The following MYT1L variants were observed in gnomAD, a reference collection of about 807,000 sequenced individuals.
MYT1L encodes the protein myelin transcription factor 1-like protein.
Under a neutral mutation model 126.7 loss-of-function variants are expected in MYT1L, and 12 were observed. The observed-to-expected ratio is 0.09, with a 90% CI of 0.06 to 0.15. The LOEUF is 0.15. Among genes scored for constraint, MYT1L ranks in the 10% least tolerant of loss-of-function variants. The pLI, the probability that MYT1L is intolerant of heterozygous loss-of-function variation, is 1.00. For missense variants in MYT1L, 979 were observed against 1,585.2 expected (o/e 0.62, Z 6.49); for synonymous variants, 541 against 604.2 (o/e 0.90, Z 1.53).
chr2:2,016,141 C>A (rs538184352), intron 4 of MYT1L, among the ~76,000 whole-genome samples: 3 of 152,230 alleles, frequency 2.0e-5, no homozygotes, highest in Non-Finnish European at 4.4e-5. Context: ...TTGTCCACAT[C>A]CACTGTTTGG....
At chr2:2,025,678 T>C (rs1300374103) in intron 4 of MYT1L, among the ~76,000 whole-genome samples, 1 of 152,220 alleles carries the variant, frequency 6.6e-6, no homozygotes, top group Non-Finnish European at 1.5e-5. Context: ...CCCAGCTCCC[T>C]GGTGGACTCA....
intron 2 of MYT1L, among the ~76,000 whole-genome samples, chr2:2,209,729 C>T (rs1294704890): frequency 2.0e-5 from 3 of 152,122 alleles, no homozygotes; most frequent in African/African-American, 7.2e-5. Flanking sequence ...CAAATGTTGG[C>T]TCTTGTGAAT....
intron 3 of MYT1L, among the ~76,000 whole-genome samples, chr2:2,147,769 G>A (rs1187755874): frequency 6.6e-6 from 1 of 152,216 alleles, no homozygotes; most frequent in Non-Finnish European, 1.5e-5. Context: ...TCCCAGACGA[G>A]GACAGCTGGG....
intron 2 of MYT1L, among the ~76,000 whole-genome samples, chr2:2,213,832 G>A (rs2093602060): frequency 6.6e-6 from 1 of 151,990 alleles, no homozygotes; most frequent in Non-Finnish European, 1.5e-5. Context: ...AATTTTCCAG[G>A]CATGAAAAGA....
intron 2 of MYT1L, among the ~76,000 whole-genome samples, chr2:2,260,789 A>G (rs534127371): frequency 1.3e-5 from 2 of 151,890 alleles, no homozygotes; most frequent in Non-Finnish European, 2.9e-5. Context: ...ATGTGGCACA[A>G]TCACCTGCAG....
chr2:1,842,112 G>C (rs770238129), intron 19 of MYT1L: 1 of 152,250 alleles, frequency 6.6e-6, no homozygotes, highest in African/African-American at 2.4e-5. Flanking sequence ...GCTGGCACAC[G>C]GGTGGGTCCA....
chr2:1,855,157 T>C (rs2043755553), intron 18 of MYT1L, among the ~76,000 whole-genome samples: 1 of 152,156 alleles, frequency 6.6e-6, no homozygotes, highest in South Asian at 2.1e-4. Context: ...TTAAGAAATC[T>C]CAACATTAAA....
At chr2:2,272,296 A>G (rs1208302730) in intron 2 of MYT1L, among the ~76,000 whole-genome samples, 2 of 151,916 alleles carry the variant, frequency 1.3e-5, no homozygotes, top group African/African-American at 4.8e-5. Context: ...TCCTGGCACC[A>G]CCTGACCTCC....
At position 1,892,022 on chromosome 2, in the gene MYT1L, C is replaced by T. The variant is rs1394417193; in HGVS notation, c.2283+15G>A. The T allele has an allele frequency of 1.3e-6, 2 of 1,506,642 alleles. No individual in the cohort carries two copies. Among genetic ancestry groups the T allele is most frequent in the South Asian group, 1.3e-5 (1 of 79,520 alleles). The allele number at this position is 1,506,642 out of a possible 1,614,324, so 93.3% of individuals were successfully genotyped here. ...CCCACCCGCCAGGTGGCTCCACCTG[C>T]CCAGGCGCGCGTACCCGCGTGGCGC... is the stretch of plus-strand genomic sequence containing the variant. On this transcript the variant is annotated intron_variant, in intron 15 of 24. Coordinates refer to ENST00000647738, the MANE Select transcript of MYT1L (RefSeq NM_001303052.2).
intron 21 of MYT1L, among the ~76,000 whole-genome samples, chr2:1,826,718 G>A (rs568331070): frequency 6.6e-6 from 1 of 152,176 alleles, no homozygotes; most frequent in Non-Finnish European, 1.5e-5. Flanking sequence ...TCCCCTTGGA[G>A]GGTGTCTGGG....
At chr2:2,299,466 C>T (rs1322301281) in intron 1 of MYT1L, among the ~76,000 whole-genome samples, 2 of 152,154 alleles carry the variant, frequency 1.3e-5, no homozygotes, top group African/African-American at 4.8e-5. Flanking sequence ...CCTGAGTGTG[C>T]ACCAGTTAGT....
intron 4 of MYT1L, among the ~76,000 whole-genome samples, chr2:2,023,352 C>T (rs2065217230): frequency 6.6e-6 from 1 of 152,212 alleles, no homozygotes; most frequent in Admixed American, 6.5e-5. Context: ...AGGGGGCAGC[C>T]TGTTTCCCAG....
chr2:1,843,081 C>T (rs1044377665), intron 19 of MYT1L, among the ~76,000 whole-genome samples: 74 of 152,358 alleles, frequency 4.9e-4, no homozygotes, highest in African/African-American at 1.7e-3. Context: ...TCGTAGGCCC[C>T]GCCATCCTCG....
At chr2:2,043,456 A>G (rs1009764781) in intron 4 of MYT1L, among the ~76,000 whole-genome samples, 1 of 152,140 alleles carries the variant, frequency 6.6e-6, no homozygotes, top group Non-Finnish European at 1.5e-5. Flanking sequence ...ACACCCTACA[A>G]TGTGTTTGTT....
At chr2:2,230,022 A>G (rs144313846) in intron 2 of MYT1L, among the ~76,000 whole-genome samples, 3 of 152,244 alleles carry the variant, frequency 2.0e-5, no homozygotes, top group African/African-American at 4.8e-5. Context: ...CTCGCCTAAC[A>G]TAGATTTGAC....
chr2:2,139,468 T>A (rs1344982142), intron 3 of MYT1L, among the ~76,000 whole-genome samples: 1 of 149,446 alleles, frequency 6.7e-6, no homozygotes, highest in African/African-American at 2.5e-5. Flanking sequence ...AAAAAAAAAA[T>A]ATATGTATAT....
chr2:2,246,513 A>G (rs563691644), intron 2 of MYT1L, among the ~76,000 whole-genome samples: 1 of 152,224 alleles, frequency 6.6e-6, no homozygotes, highest in Non-Finnish European at 1.5e-5. Flanking sequence ...TCAGCATGAG[A>G]CAGGGGTCCC....
intron 3 of MYT1L, among the ~76,000 whole-genome samples, chr2:2,093,921 T>C (rs2077163892): frequency 6.6e-6 from 1 of 152,232 alleles, no homozygotes; most frequent in Non-Finnish European, 1.5e-5. Flanking sequence ...CTAGCCAGTT[T>C]TCCCAGCACC....
intron 1 of MYT1L, among the ~76,000 whole-genome samples, chr2:2,313,672 C>T (rs919785398): frequency 1.3e-5 from 2 of 151,912 alleles, no homozygotes; most frequent in Admixed American, 6.6e-5. Flanking sequence ...ATACTATATA[C>T]CATATAATAC....
Sources: gnomAD v4.1 joint callset for allele counts (sites outside exome capture counted in the v4.1 genomes callset) on GRCh38, gnomAD v4.1.1 for gene constraint, MANE v1.5 for transcripts, NCBI Gene and HGNC (gene_info 2026-07-23, HGNC 2026-07-21) for gene names.